Variants in MYO16 observed in about 807,000 individuals in gnomAD.
The protein encoded by MYO16 is myosin XVI, also known as unconventional myosin-XVI.
A neutral mutation model predicts 205.3 loss-of-function variants in MYO16; 94 were observed. That is an observed-to-expected ratio of 0.46 (90% CI 0.39 to 0.54). The LOEUF (loss-of-function observed/expected upper bound fraction) is 0.54. MYO16 is among the 20% of genes least tolerant of loss of function. The pLI, the probability that MYO16 is intolerant of heterozygous loss-of-function variation, is 0.00. For synonymous variants in MYO16, 988 were observed against 954.0 expected, an observed-to-expected ratio of 1.04 and a Z score of -0.66; for missense variants, 2,315 against 2,387.5, an observed-to-expected ratio of 0.97 and a Z score of 0.63.
At chr13:108,557,463 A>G in the MYO16 span, among the ~76,000 whole-genome samples, 1 of 152,200 alleles carries the variant, frequency 6.6e-6, no homozygotes, top group African/African-American at 2.4e-5. Flanking sequence ...TTGTAACTGA[A>G]AAAACAGTAT....
chr13:108,736,694 C>T (rs576305450), intron 4 of MYO16, among the ~76,000 whole-genome samples: 1 of 152,088 alleles, frequency 6.6e-6, no homozygotes, highest in African/African-American at 2.4e-5. Context: ...TCATTGGTAG[C>T]TTGATGGGGA....
At chr13:108,759,754 G>A (rs1452539828) in intron 4 of MYO16, among the ~76,000 whole-genome samples, 1 of 151,434 alleles carries the variant, frequency 6.6e-6, no homozygotes, top group Non-Finnish European at 1.5e-5. Flanking sequence ...CCAGGAGGCG[G>A]AGTTGCAGTG....
At chr13:109,160,876 T>C (rs1363412428) in intron 32 of MYO16, among the ~76,000 whole-genome samples, 1 of 152,232 alleles carries the variant, frequency 6.6e-6, no homozygotes, top group African/African-American at 2.4e-5. Flanking sequence ...GTCCTCTTGA[T>C]TTCTGATTGT....
chr13:108,898,096 A>G lies in MYO16; in HGVS notation c.1740A>G (p.Glu580=). 1 of 1,613,832 alleles carries G rather than the reference A, an allele frequency of 6.2e-7. No homozygotes were observed. Among genetic ancestry groups the G allele is most frequent in the East Asian group, 2.2e-5 (1 of 44,874 alleles). Residue 580 remains glutamate (E), a synonymous_variant, in exon 15 of 35, where the codon GAA becomes GAG. Coordinates refer to ENST00000457511, the MANE Select transcript of MYO16 (RefSeq NM_001198950.3). ...CCAGTTGCTTCATCAAGTATTTTGA[A>G]CTGCAGTTCTGTGAGAGGAAACAAC... ...DLSSCFIKYF[E]LQFCERKQQL...
intron 16 of MYO16, among the ~76,000 whole-genome samples, chr13:108,950,564 A>G (rs931682084): frequency 6.6e-6 from 1 of 152,206 alleles, no homozygotes; most frequent in Non-Finnish European, 1.5e-5. Flanking sequence ...GAGGATGTGA[A>G]GAAACTCACT....
chr13:109,172,159 A>G (rs1878949035), intron 33 of MYO16, among the ~76,000 whole-genome samples: 1 of 152,214 alleles, frequency 6.6e-6, no homozygotes, highest in South Asian at 2.1e-4. Flanking sequence ...TGGAACCCAT[A>G]AATATCTTTA....
chr13:108,813,902 T>G (rs1296458261), intron 7 of MYO16, among the ~76,000 whole-genome samples: 1 of 152,192 alleles, frequency 6.6e-6, no homozygotes, highest in African/African-American at 2.4e-5. Context: ...AGCCCTGGCC[T>G]GCTTAATTCA....
Position 108,640,234 on chromosome 13 carries a change from C to G in MYO16, c.28+10362C>G, listed in dbSNP as rs559839178. Among the ~76,000 whole-genome samples the G allele has an allele frequency of 2.0e-5, 3 of 152,302 alleles. No individual in the cohort carries two copies. In the South Asian group the frequency reaches 6.2e-4, roughly 32 times the overall value. On this transcript the variant is annotated intron_variant, in intron 1 of 34. Transcript: ENST00000457511. ...TCTTCAATCAACAGCTCGGGTAACA[C>G]TGTTTCAAGAGGCAGTGTCTGCTAA...
the MYO16 span, among the ~76,000 whole-genome samples, chr13:108,524,995 T>C: frequency 6.6e-6 from 1 of 152,124 alleles, no homozygotes; most frequent in Non-Finnish European, 1.5e-5. Context: ...TTTTTAAAAC[T>C]TTTTTAAAAA....
rs557463589 is a variant in MYO16 at position 108,993,444 on chromosome 13, T to G, written c.2442+996T>G. ...ATGATGGATACCTACCCGTTACTGT[T>G]GCAAATGGGAGCACTTTAATAACTT... On this transcript the variant is annotated intron_variant, in intron 21 of 34. Coordinates refer to ENST00000457511, the MANE Select transcript of MYO16 (RefSeq NM_001198950.3). Among the ~76,000 whole-genome samples, 3 of 152,312 alleles carry G rather than the reference T, an allele frequency of 2.0e-5. No homozygotes were observed. The East Asian group carries it at 5.8e-4, about 29-fold the overall frequency.
chr13:108,701,445 C>G (rs1428478032), intron 2 of MYO16, among the ~76,000 whole-genome samples: 1 of 152,078 alleles, frequency 6.6e-6, no homozygotes, highest in East Asian at 1.9e-4. Context: ...AGTTTGGTCC[C>G]TTTTGCCCTC....
intron 6 of MYO16, among the ~76,000 whole-genome samples, chr13:108,799,305 C>T (rs1886899120): frequency 6.6e-6 from 1 of 152,174 alleles, no homozygotes; most frequent in South Asian, 2.1e-4. Flanking sequence ...CCATGGATCA[C>T]CTTTCAAAAT....
chr13:109,123,212 G>T (rs906831815), intron 29 of MYO16, among the ~76,000 whole-genome samples: 5 of 152,130 alleles, frequency 3.3e-5, no homozygotes, highest in African/African-American at 4.8e-5. Flanking sequence ...TTTAGCAACT[G>T]GTGTAACATT....
intron 15 of MYO16, among the ~76,000 whole-genome samples, chr13:108,907,193 C>T (rs1881027175): frequency 6.6e-6 from 1 of 152,084 alleles, no homozygotes; most frequent in Non-Finnish European, 1.5e-5. Context: ...TTTATTTCCA[C>T]CACTTTTTTT....
the MYO16 span, among the ~76,000 whole-genome samples, chr13:108,584,289 G>T: frequency 6.6e-6 from 1 of 152,094 alleles, no homozygotes; most frequent in African/African-American, 2.4e-5. Flanking sequence ...ATATGTAATT[G>T]GATAAAGTTA....
intron 30 of MYO16, among the ~76,000 whole-genome samples, chr13:109,126,874 G>A (rs1254700540): frequency 6.6e-6 from 1 of 152,190 alleles, no homozygotes; most frequent in Non-Finnish European, 1.5e-5. Flanking sequence ...TGATGCATCA[G>A]TAACTCTCTA....
At chr13:108,818,089 C>T (rs1021607754) in intron 7 of MYO16, among the ~76,000 whole-genome samples, 11 of 151,932 alleles carry the variant, frequency 7.2e-5, no homozygotes, top group Admixed American at 6.6e-4. Flanking sequence ...GTTTTTAAGA[C>T]GTTAGTAAAA....
chr13:108,726,561 AAAAAAAAAAAAG>A, intron 3 of MYO16, among the ~76,000 whole-genome samples: 1 of 149,116 alleles, frequency 6.7e-6, no homozygotes, highest in East Asian at 2.0e-4. Context: ...CTGTTTCAAA[AAAAAAAAAAAAG>A]AAAAAGAAAA....
chr13:108,624,781 CTGAGTGTGTGTG>C (rs1393838220), upstream of MYO16, among the ~76,000 whole-genome samples: 26 of 121,638 alleles, frequency 2.1e-4, no homozygotes, highest in South Asian at 6.0e-4. Context: ...CCCATATAGC[CTGAGTGTGTGTG>C]TGTGTGTGTG....
Sources: allele counts gnomAD v4.1 joint callset (sites outside exome capture counted in the v4.1 genomes callset), GRCh38; gene constraint gnomAD v4.1.1; transcripts MANE v1.5; gene names NCBI Gene and HGNC (gene_info 2026-07-23, HGNC 2026-07-21).